The following OFD1 variants were observed in gnomAD, a reference collection of about 807,000 sequenced individuals.
OFD1 encodes OFD1 centriole and centriolar satellite protein.
OFD1 carries 12 observed loss-of-function variants against 81.4 expected under a neutral mutation model. That is an observed-to-expected ratio of 0.15 (90% CI 0.09 to 0.24). The LOEUF is 0.24. Among genes scored for constraint, OFD1 ranks in the 10% least tolerant of loss-of-function variants. The pLI, the probability that OFD1 is intolerant of heterozygous loss-of-function variation, is 1.00. For synonymous variants in OFD1, 256 were observed against 263.7 expected, an observed-to-expected ratio of 0.97 and a Z score of 0.28; for missense variants, 685 against 733.9, an observed-to-expected ratio of 0.93 and a Z score of 0.77.
chrX:13,747,964 C>T (rs1302820707), intron 8 of OFD1, among the ~76,000 whole-genome samples: 2 of 111,427 alleles, frequency 1.8e-5, no homozygotes, highest in Non-Finnish European at 3.8e-5. Context: ...GTGTCTTAGA[C>T]CAAACTAGAT....
rs1436893694 is a variant in OFD1 at position 13,760,626 on chromosome X, C to T, written c.2166C>T (p.Ala722=). ...DVVEALTGSA[A]SRLRGGTSSR... ...TGGAAGCACTGACAGGCAGTGCAGCCTCGAGGCTCCGCGGGGGCACTTCCT... is the reference window on the plus strand; with the variant it reads ...TGGAAGCACTGACAGGCAGTGCAGCTTCGAGGCTCCGCGGGGGCACTTCCT... Residue 722 remains alanine, a synonymous_variant, in exon 16 of 23, where the codon GCC becomes GCT. Coordinates refer to ENST00000340096, the MANE Select transcript of OFD1 (RefSeq NM_003611.3). 1.2e-5 allele frequency: 14 copies of T among 1,209,887 alleles called. No individual in the cohort carries two copies. Among genetic ancestry groups the T allele is most frequent in the Non-Finnish European group, 1.6e-5 (14 of 895,052 alleles).
intron 3 of OFD1, among the ~76,000 whole-genome samples, chrX:13,738,534 A>G (rs2046965149): frequency 8.9e-6 from 1 of 112,817 alleles, no homozygotes; most frequent in Admixed American, 9.3e-5. Context: ...GAACTCAGTC[A>G]TGTAGTCATT....
intron 14 of OFD1, among the ~76,000 whole-genome samples, 163 bp downstream of exon 14, chrX:13,757,953 G>A (rs2047775283): frequency 1.8e-5 from 2 of 112,194 alleles, no homozygotes; most frequent in African/African-American, 6.5e-5. Context: ...AAATTCTGCA[G>A]TGATAACGTG....
the OFD1 span, among the ~76,000 whole-genome samples, chrX:13,727,557 C>G: frequency 1.8e-5 from 2 of 112,050 alleles, no homozygotes; most frequent in African/African-American, 6.5e-5. Context: ...CCAAAGAAAA[C>G]AAAGACACAA....
chrX:13,766,507 T>A (rs1364696546), intron 19 of OFD1, among the ~76,000 whole-genome samples: 2 of 110,794 alleles, frequency 1.8e-5, no homozygotes, highest in African/African-American at 6.6e-5. Flanking sequence ...GACGCGAGGC[T>A]AGGGAGAGAG....
At chrX:13,768,582 C>A in intron 21 of OFD1, 136 bp from the exon 22 acceptor site, 1 of 547,670 alleles carries the variant, frequency 1.8e-6, no homozygotes, top group Non-Finnish European at 3.2e-6. Context: ...GATGTGCTTG[C>A]TAAATTTCAT....
At chrX:13,763,990 A>T in intron 19 of OFD1, 135 bp downstream of exon 19, 1 of 525,379 alleles carries the variant, frequency 1.9e-6, no homozygotes, top group Non-Finnish European at 3.4e-6. Context: ...GTTGGGGGTT[A>T]TAGGTGTCAT....
chrX:13,753,480 C>T (rs1242619964), intron 11 of OFD1, 39 bp downstream of exon 11: 2 of 1,180,963 alleles, frequency 1.7e-6, no homozygotes, highest in Non-Finnish European at 1.2e-6. Flanking sequence ...TTTTTCAGTT[C>T]TGCTGTAGGT....
At position 13,746,841 on chromosome X, in the gene OFD1, A is replaced by T; in HGVS notation, c.716A>T (p.Glu239Val). 3 of 1,205,583 alleles carry T rather than the reference A, an allele frequency of 2.5e-6. No individual in the cohort carries two copies. Among genetic ancestry groups the T allele is most frequent in the Non-Finnish European group, 3.4e-6 (3 of 890,392 alleles). The change falls in exon 8 of 23, where the codon GAA becomes GTA. Residue 239 changes from glutamate to valine, a missense_variant. Glu to Val is a moderately radical substitution (Grantham distance 121, BLOSUM62 -2). Coordinates refer to ENST00000340096, the MANE Select transcript of OFD1 (RefSeq NM_003611.3). ...KIKMEAKKKY[E>V]KELTMFQNDF... is the part of the protein sequence containing the mutation. ...AAAATGGAAGCAAAAAAAAAGTATG[A>T]AAAGGAGTTAACCATGTTCCAGAAT...
At position 13,734,775 on chromosome X, in the gene OFD1, T is replaced by C; in HGVS notation, c.-297T>C. On this transcript the variant is annotated 5_prime_UTR_variant, in exon 1 of 23. Transcript: ENST00000340096. ...TGGCTGTGAGGCGGTCCTGCCTCGC[T>C]GCCTTCAGTCCCTAGTGTCTGGGTC... The C allele has an allele frequency of 9.4e-7, 1 of 1,059,626 alleles. No homozygotes were observed. Among genetic ancestry groups the C allele is most frequent in the Non-Finnish European group, 1.2e-6 (1 of 826,950 alleles). The allele number at this position is 1,059,626 out of a possible 1,213,427, so 87.3% of individuals were successfully genotyped here. A position where few individuals can be genotyped will look rare whatever the true frequency, so the allele number is the denominator to read the frequency against.
rs761270089 is a variant in OFD1 at position 13,768,800 on chromosome X, TAC to T, written c.2996+20_2996+21del. ...AAAGTCGAAAGGTACCTGTTTTCCC[TAC>T]ACACTTTCATACACAAACTGTTAAT... On this transcript the variant is annotated intron_variant, in intron 22 of 22. Transcript: ENST00000340096. The T allele has an allele frequency of 4.1e-4, 480 of 1,168,767 alleles. 3 individuals carry two copies. The African/African-American group carries it at 6.9e-3, about 17-fold the overall frequency.
intron 5 of OFD1, among the ~76,000 whole-genome samples, chrX:13,742,086 T>A (rs1415093668): frequency 8.9e-6 from 1 of 112,438 alleles, no homozygotes; most frequent in African/African-American, 3.2e-5. Context: ...CTTTGCTTTT[T>A]GGAAGTAAAA....
chrX:13,734,307 G>T, upstream of OFD1: 1 of 351,422 alleles, frequency 2.8e-6, no homozygotes, highest in South Asian at 7.3e-5. Context: ...TGGGTTAGCT[G>T]AATGACCCAG....
At chrX:13,733,485 C>T (rs1415655849), upstream of OFD1, among the ~76,000 whole-genome samples, 1 of 112,012 alleles carries the variant, frequency 8.9e-6, no homozygotes, top group African/African-American at 3.3e-5. Flanking sequence ...TCCAACTAAG[C>T]CTCTCCTCCT....
At chrX:13,754,505 C>G (rs1357478353) in intron 11 of OFD1, among the ~76,000 whole-genome samples, 2 of 108,469 alleles carry the variant, frequency 1.8e-5, no homozygotes, top group Non-Finnish European at 3.8e-5. Context: ...CAACCTCTGC[C>G]TCCTGGGTTC....
the OFD1 span, among the ~76,000 whole-genome samples, chrX:13,724,273 G>A: frequency 9.1e-6 from 1 of 109,807 alleles, no homozygotes; most frequent in African/African-American, 3.3e-5. Flanking sequence ...AATTTAAAGA[G>A]GCCACATGGA....
intron 5 of OFD1, chrX:13,739,748 C>T: frequency 1.8e-6 from 1 of 544,511 alleles, no homozygotes; most frequent in Non-Finnish European, 2.2e-6. Flanking sequence ...AACTCCGTCT[C>T]AAAAAAAAAA....
intron 5 of OFD1, chrX:13,740,288 A>C: frequency 1.8e-6 from 1 of 560,771 alleles, no homozygotes; most frequent in Non-Finnish European, 2.6e-6. Context: ...GTCTGTGTCT[A>C]TGCTGTTTAA....
rs774888576 is a variant in OFD1, at chrX:13,761,121, G to T, written c.2297G>T (p.Cys766Phe). ...TCACACATTGCTTCCCCCAGTCCTT[G>T]TCCTGACAGAATGCCCCTACCATCA... ...GRSHIASPSP[C>F]PDRMPLPSPT... The change falls in exon 17 of 23, where the codon TGT becomes TTT. Residue 766 changes from cysteine (C) to phenylalanine (F), a missense_variant. Transcript: ENST00000340096. The T allele has an allele frequency of 4.1e-6, 5 of 1,208,899 alleles. No homozygotes were observed. In the Admixed American group the frequency reaches 8.8e-5, roughly 21 times the overall value.
Sources: allele counts gnomAD v4.1 joint callset (sites outside exome capture counted in the v4.1 genomes callset), GRCh38; gene constraint gnomAD v4.1.1; transcripts MANE v1.5; gene names NCBI Gene and HGNC (gene_info 2026-07-23, HGNC 2026-07-21).